Variants in RAB3C observed in about 807,000 individuals in gnomAD.
RAB3C encodes ras-related protein Rab-3C.
Under a neutral mutation model 26.4 loss-of-function variants are expected in RAB3C, and 17 were observed. The ratio of observed to expected loss-of-function variants is 0.64; its 90% confidence interval spans 0.44 to 0.97. The LOEUF is 0.97. Ranked by LOEUF, RAB3C falls within the 50% of genes least tolerant of loss-of-function variation. The probability of loss-of-function intolerance (pLI) is 0.00; values close to 1 mark genes in which losing one functional copy is unlikely to be tolerated. For missense variants in RAB3C, 242 were observed against 281.9 expected (o/e 0.86, Z 1.01); for synonymous variants, 91 against 95.9 (o/e 0.95, Z 0.30).
intron 3 of RAB3C, among the ~76,000 whole-genome samples, chr5:58,769,537 T>C (rs1034977809): frequency 6.6e-6 from 1 of 152,102 alleles, no homozygotes; most frequent in Middle Eastern, 3.2e-3. Flanking sequence ...GACAACCATA[T>C]CTTTAACAAA....
intron 2 of RAB3C, among the ~76,000 whole-genome samples, chr5:58,695,651 T>C (rs1341773568): frequency 2.0e-5 from 3 of 152,190 alleles, no homozygotes; most frequent in Non-Finnish European, 4.4e-5. Flanking sequence ...CCCTTGTAAG[T>C]TGGATTCCTA....
chr5:58,796,998 G>GACACACAC (rs58486143), intron 3 of RAB3C, among the ~76,000 whole-genome samples: 1 of 150,530 alleles, frequency 6.6e-6, no homozygotes, highest in Non-Finnish European at 1.5e-5. Context: ...CACACACACA[G>GACACACAC]ACACACACAC....
chr5:58,846,830 G>A, intron 4 of RAB3C: 1 of 151,962 alleles, frequency 6.6e-6, no homozygotes, highest in Non-Finnish European at 1.5e-5. Flanking sequence ...ACACAGGTTG[G>A]CTTTTGCTTC....
At chr5:58,838,029 A>G (rs1743788509) in intron 4 of RAB3C, among the ~76,000 whole-genome samples, 1 of 152,024 alleles carries the variant, frequency 6.6e-6, no homozygotes, top group Admixed American at 6.6e-5. Flanking sequence ...TTTAGGTCTT[A>G]TCTCGTTTTT....
At chr5:58,714,289 A>G (rs1002157223) in intron 2 of RAB3C, among the ~76,000 whole-genome samples, 5 of 152,254 alleles carry the variant, frequency 3.3e-5, no homozygotes, top group African/African-American at 1.2e-4. Context: ...AGACTTTTCA[A>G]TGGTATCAAC....
Position 58,630,606 on chromosome 5 carries a change from C to A in RAB3C, c.252+12736C>A, listed in dbSNP as rs1747167417. Among the ~76,000 whole-genome samples, 5 of 152,262 alleles carry A rather than the reference C, an allele frequency of 3.3e-5. No homozygotes were observed. In the South Asian group the frequency reaches 1.0e-3, roughly 32 times the overall value. ...TTTCATATCTGTTTCCTTATTCAAC[C>A]TGTTGCTGTATCACACATCATGTAA... On this transcript the variant is annotated intron_variant, in intron 2 of 4. Transcript: ENST00000282878.
chr5:58,751,902 A>C lies in RAB3C; in HGVS notation c.371+25782A>C, dbSNP rs189985072. On this transcript the variant is annotated intron_variant, in intron 3 of 4. Coordinates refer to ENST00000282878, the MANE Select transcript of RAB3C (RefSeq NM_138453.4). ...CCTCTCAAACACTGCCTTTAAAGCT[A>C]TACATAAAAAAGCAAGGGCAGAGTT... Among the ~76,000 whole-genome samples, 18 of 152,312 alleles carry C rather than the reference A, an allele frequency of 1.2e-4. No individual in the cohort carries two copies. The East Asian group carries it at 3.5e-3, about 29-fold the overall frequency.
Position 58,703,853 on chromosome 5 carries a change from A to G in RAB3C, c.253-22149A>G, listed in dbSNP as rs540799430. 4.6e-5 allele frequency among the ~76,000 whole-genome samples: 7 copies of G among 152,342 alleles called. No individual in the cohort carries two copies. In the South Asian group the frequency reaches 1.5e-3, roughly 32 times the overall value. ...ATGTTCTAAACAGCTATTTGGGAGCACTAATAGTTTGTGTTAATGTAAATT... is the reference window on the plus strand; with the variant it reads ...ATGTTCTAAACAGCTATTTGGGAGCGCTAATAGTTTGTGTTAATGTAAATT... On this transcript the variant is annotated intron_variant, in intron 2 of 4. Transcript: ENST00000282878.
In RAB3C at chr5:58,602,836, C is replaced by T. The variant is rs181618137; in HGVS notation, c.25-14807C>T. 4.7e-4 allele frequency among the ~76,000 whole-genome samples: 72 copies of T among 152,290 alleles called. 1 individual carries two copies. The highest frequency in any genetic ancestry group is 1.7e-3 in the African/African-American group (70 of 41,566). ...TTAAGTGGAGCATTAAGGCCATTTA[C>T]ATTCAATGTTAGTATTGAAATATGA... On this transcript the variant is annotated intron_variant, in intron 1 of 4. Coordinates refer to ENST00000282878, the MANE Select transcript of RAB3C (RefSeq NM_138453.4).
At chr5:58,784,423 A>G (rs1411443422) in intron 3 of RAB3C, among the ~76,000 whole-genome samples, 1 of 152,168 alleles carries the variant, frequency 6.6e-6, no homozygotes, top group African/African-American at 2.4e-5. Context: ...TTATCACAAG[A>G]ACAACATGGG....
At chr5:58,760,869 A>G (rs879611411) in intron 3 of RAB3C, among the ~76,000 whole-genome samples, 2 of 152,212 alleles carry the variant, frequency 1.3e-5, no homozygotes, top group Middle Eastern at 3.2e-3. Flanking sequence ...AGGAGGTCAA[A>G]TGATTAGCAC....
intron 3 of RAB3C, among the ~76,000 whole-genome samples, chr5:58,763,189 G>T (rs1027910376): frequency 1.3e-5 from 2 of 152,078 alleles, no homozygotes; most frequent in African/African-American, 4.8e-5. Flanking sequence ...ATCCAAAAGG[G>T]TATACTATAT....
chr5:58,689,015 G>A (rs1334281041), intron 2 of RAB3C, among the ~76,000 whole-genome samples: 1 of 152,070 alleles, frequency 6.6e-6, no homozygotes, highest in Non-Finnish European at 1.5e-5. Flanking sequence ...ATTAGGCTAA[G>A]CATCTCCAAG....
chr5:58,725,316 T>C (rs925289503), intron 2 of RAB3C, among the ~76,000 whole-genome samples: 10 of 151,850 alleles, frequency 6.6e-5, no homozygotes, highest in Non-Finnish European at 1.3e-4. Flanking sequence ...AGCTCCTTTA[T>C]ATGTTATTTG....
intron 1 of RAB3C, among the ~76,000 whole-genome samples, chr5:58,591,898 ATTTT>A (rs36103498): frequency 8.4e-6 from 1 of 118,612 alleles, no homozygotes; most frequent in Non-Finnish European, 1.7e-5. Flanking sequence ...TTCTTTTTCT[ATTTT>A]TTTTTTTTTT....
At position 58,670,364 on chromosome 5, in the gene RAB3C, A is replaced by G. The variant is rs557592217; in HGVS notation, c.252+52494A>G. ...GGCTCATATATAATTTAAGAAAAAAATTTGTGAAAGAACATAAGTGATTTG... is the reference window on the plus strand; with the variant it reads ...GGCTCATATATAATTTAAGAAAAAAGTTTGTGAAAGAACATAAGTGATTTG... On this transcript the variant is annotated intron_variant, in intron 2 of 4. Transcript: ENST00000282878. 7.9e-5 allele frequency among the ~76,000 whole-genome samples: 12 copies of G among 152,230 alleles called. No homozygotes were observed. In the South Asian group the frequency reaches 2.5e-3, roughly 32 times the overall value.
intron 2 of RAB3C, among the ~76,000 whole-genome samples, chr5:58,677,032 C>G (rs1748244584): frequency 1.3e-5 from 2 of 152,142 alleles, no homozygotes; most frequent in Non-Finnish European, 2.9e-5. Flanking sequence ...CAGGAGCGTG[C>G]TCCCTCTTAA....
At chr5:58,698,022 T>C (rs945036976) in intron 2 of RAB3C, among the ~76,000 whole-genome samples, 2 of 152,238 alleles carry the variant, frequency 1.3e-5, no homozygotes, top group African/African-American at 4.8e-5. Flanking sequence ...GCATCGATGG[T>C]CTTTACAATT....
At chr5:58,655,100 A>G (rs1747740244) in intron 2 of RAB3C, among the ~76,000 whole-genome samples, 1 of 152,232 alleles carries the variant, frequency 6.6e-6, no homozygotes, top group Non-Finnish European at 1.5e-5. Context: ...GTTGCTAAAT[A>G]CACAGCTTTG....
Sources: allele counts gnomAD v4.1 joint callset (sites outside exome capture counted in the v4.1 genomes callset), GRCh38; gene constraint gnomAD v4.1.1; transcripts MANE v1.5; gene names NCBI Gene and HGNC (gene_info 2026-07-23, HGNC 2026-07-21).